The following SUSD1 variants were observed in gnomAD, a reference collection of about 807,000 sequenced individuals.
SUSD1 encodes the protein sushi domain containing 1, also known as sushi domain-containing protein 1.
A neutral mutation model predicts 86.9 loss-of-function variants in SUSD1; 65 were observed. That is an observed-to-expected ratio of 0.75 (90% CI 0.61 to 0.92). The LOEUF is 0.92. Among genes scored for constraint, SUSD1 ranks in the 40% least tolerant of loss-of-function variants. The pLI is 0.00. For synonymous variants in SUSD1, 346 were observed against 350.0 expected, an observed-to-expected ratio of 0.99 and a Z score of 0.13; for missense variants, 850 against 929.7, an observed-to-expected ratio of 0.91 and a Z score of 1.11.
At chr9:112,042,036 C>T in intron 15 of SUSD1, 76 bp from the exon 16 acceptor site, 3 of 1,576,494 alleles carry the variant, frequency 1.9e-6, no homozygotes, top group Admixed American at 3.7e-5. Context: ...CCCCACTGTG[C>T]TCAATCCATT....
Position 112,058,509 on chromosome 9 carries a change from G to C in SUSD1, c.2028C>G (p.Tyr676Ter), listed in dbSNP as rs758558250. 6 of 1,614,138 alleles carry C rather than the reference G, an allele frequency of 3.7e-6. No homozygotes were observed. The highest frequency in any genetic ancestry group is 4.2e-6 in the Non-Finnish European group (5 of 1,180,022). Reference protein sequence around the residue: ...AMEIPIGDRLYYGEYYNAPLK... With the variant: ...AMEIPIGDRL ...AGGGTGCATTATAATATTCCCCATA[G>C]TACAGCCTGTCTCCTATAGGTATCT... The change falls in exon 14 of 17, where the codon TAC becomes TAG. Residue 676 changes from tyrosine (Y) to a stop codon, truncating the protein, a stop_gained. Coordinates refer to ENST00000374270, the MANE Select transcript of SUSD1 (RefSeq NM_022486.5). LOFTEE classifies it high-confidence loss of function.
chr9:112,071,319 G>A (rs1829258652), intron 12 of SUSD1, among the ~76,000 whole-genome samples: 1 of 152,038 alleles, frequency 6.6e-6, no homozygotes, highest in South Asian at 2.1e-4. Context: ...AATTAGCAGG[G>A]TGTGGTGACA....
At chr9:112,143,750 G>T in intron 3 of SUSD1, 127 bp from the exon 4 acceptor site, 1 of 916,386 alleles carries the variant, frequency 1.1e-6, no homozygotes. Flanking sequence ...GCATTTGTTT[G>T]CAATTGTATC....
intron 8 of SUSD1, 151 bp from the exon 9 acceptor site, chr9:112,102,436 C>G (rs374644949): frequency 2.1e-5 from 9 of 438,842 alleles, no homozygotes; most frequent in Middle Eastern, 3.0e-4. Context: ...GACTTAGCTT[C>G]AAGTCCTGGC....
At chr9:112,061,019 G>T (rs915917321) in intron 13 of SUSD1, among the ~76,000 whole-genome samples, 1 of 152,102 alleles carries the variant, frequency 6.6e-6, no homozygotes, top group East Asian at 1.9e-4. Flanking sequence ...CAAATTCCCC[G>T]ACCTCATACC....
chr9:112,123,390 C>G (rs1164644234), intron 6 of SUSD1, among the ~76,000 whole-genome samples: 1 of 152,170 alleles, frequency 6.6e-6, no homozygotes, highest in Non-Finnish European at 1.5e-5. Flanking sequence ...GGGGAGGACA[C>G]AAAGCCATTC....
chr9:112,118,973 G>C (rs1831443586), intron 6 of SUSD1, among the ~76,000 whole-genome samples: 1 of 152,132 alleles, frequency 6.6e-6, no homozygotes, highest in Non-Finnish European at 1.5e-5. Context: ...ATTGTGTCAG[G>C]GTGGTATACA....
chr9:112,157,528 A>C lies in SUSD1; in HGVS notation c.189T>G (p.Phe63Leu). Residue 63 changes from phenylalanine to leucine, a missense_variant, in exon 2 of 17, where the codon TTT (phenylalanine) becomes TTG (leucine). Phe to Leu is a conservative substitution (Grantham distance 22). Coordinates refer to ENST00000374270, the MANE Select transcript of SUSD1 (RefSeq NM_022486.5). ...GKKICICNYG[F>L]VGNGRTQCVD... is the part of the protein sequence containing the mutation. ...CACACTGAGTCCTCCCGTTCCCTAC[A>C]AATCCATAGTTGCAAATACAGATCT... 1 of 1,614,150 alleles carries C rather than the reference A, an allele frequency of 6.2e-7. No homozygotes were observed. The highest frequency in any genetic ancestry group is 8.5e-7 in the Non-Finnish European group (1 of 1,179,996).
chr9:112,116,534 C>T (rs923223381), intron 6 of SUSD1, among the ~76,000 whole-genome samples: 1 of 152,254 alleles, frequency 6.6e-6, no homozygotes. Flanking sequence ...TCCCTGCTCA[C>T]TACTAACTGA....
Position 112,141,741 on chromosome 9 carries a change from T to TATTACATGTAATATATAATATATAATAC in SUSD1, c.706+551_706+578dup, listed in dbSNP as rs1464222212. Reference sequence around the variant, plus strand: ...CATGTAATGTATTATATATAATATATATTACATGTAATATATAATATATAA... The same window carrying TATTACATGTAATATATAATATATAATAC: ...CATGTAATGTATTATATATAATATATATTACATGTAATATATAATATATAATACATTACATGTAATATATAATATATAA... On this transcript the variant is annotated intron_variant, in intron 5 of 16. Coordinates refer to ENST00000374270, the MANE Select transcript of SUSD1 (RefSeq NM_022486.5). Among the ~76,000 whole-genome samples the TATTACATGTAATATATAATATATAATAC allele has an allele frequency of 6.2e-5, 8 of 128,672 alleles. No individual in the cohort carries two copies. In the East Asian group the frequency reaches 9.8e-4, roughly 16 times the overall value. 84.4% of individuals were successfully genotyped at this position (128,672 alleles called of 152,430 possible). A position where few individuals can be genotyped will look rare whatever the true frequency, so the allele number is the denominator to read the frequency against.
chr9:112,058,701 G>C lies in SUSD1; in HGVS notation c.1851-15C>G, dbSNP rs1157811349. 1 of 1,612,964 alleles carries C rather than the reference G, an allele frequency of 6.2e-7. No homozygotes were observed. Among genetic ancestry groups the C allele is most frequent in the Non-Finnish European group, 8.5e-7 (1 of 1,179,438 alleles). ...CCTGATATGAACTGGAAGAAAAAAGGAGAAGTGTCCATCAGACCCTTGCAT... is the reference window on the plus strand; with the variant it reads ...CCTGATATGAACTGGAAGAAAAAAGCAGAAGTGTCCATCAGACCCTTGCAT... On this transcript the variant is annotated splice_polypyrimidine_tract_variant and intron_variant, in intron 13 of 16. Transcript: ENST00000374270.
At chr9:112,087,550 T>C (rs1830037517) in intron 10 of SUSD1, among the ~76,000 whole-genome samples, 1 of 151,838 alleles carries the variant, frequency 6.6e-6, no homozygotes, top group Non-Finnish European at 1.5e-5. Context: ...GTGACTAAGT[T>C]CAGGAAAAAA....
At chr9:112,071,505 G>A (rs1286695928) in intron 12 of SUSD1, among the ~76,000 whole-genome samples, 1 of 151,938 alleles carries the variant, frequency 6.6e-6, no homozygotes, top group Non-Finnish European at 1.5e-5. Context: ...CCTTGGAGTA[G>A]GAATTTGTAA....
chr9:112,048,992 T>G (rs542896135), intron 15 of SUSD1, among the ~76,000 whole-genome samples: 6 of 152,284 alleles, frequency 3.9e-5, no homozygotes, highest in Admixed American at 1.3e-4. Flanking sequence ...TGAAAAATAA[T>G]GGAGGACCAC....
intron 15 of SUSD1, among the ~76,000 whole-genome samples, chr9:112,050,463 G>A (rs1864357): frequency 0.32 from 49,088 of 152,102 alleles, 10,164 homozygotes; most frequent in African/African-American, 0.58. Context: ...GCCCCTCCCA[G>A]ATATTTCCTG....
At chr9:112,168,111 C>T (rs1392941277) in intron 1 of SUSD1, among the ~76,000 whole-genome samples, 2 of 152,154 alleles carry the variant, frequency 1.3e-5, no homozygotes, top group African/African-American at 4.8e-5. Context: ...ACAGCCAAAC[C>T]ATATCAATGA....
At chr9:112,128,439 G>A (rs1242291048) in intron 5 of SUSD1, among the ~76,000 whole-genome samples, 2 of 151,966 alleles carry the variant, frequency 1.3e-5, no homozygotes, top group Non-Finnish European at 1.5e-5. Flanking sequence ...TGTCACCCAG[G>A]CCGGAGTACA....
intron 10 of SUSD1, among the ~76,000 whole-genome samples, chr9:112,088,291 A>G (rs1445004285): frequency 1.3e-5 from 2 of 152,262 alleles, no homozygotes; most frequent in South Asian, 2.1e-4. Flanking sequence ...GCTGTATTCA[A>G]TTGTAGCTCT....
chr9:112,167,291 C>T (rs889014038), intron 1 of SUSD1, among the ~76,000 whole-genome samples: 17 of 151,960 alleles, frequency 1.1e-4, no homozygotes, highest in Admixed American at 5.9e-4. Flanking sequence ...TTTATAGACA[C>T]GGGATCTCCC....
Sources: gnomAD v4.1 joint callset for allele counts (sites outside exome capture counted in the v4.1 genomes callset) on GRCh38, gnomAD v4.1.1 for gene constraint, MANE v1.5 for transcripts, NCBI Gene and HGNC (gene_info 2026-07-23, HGNC 2026-07-21) for gene names.